The following RBFOX1 variants were observed in gnomAD, a reference collection of about 807,000 sequenced individuals.
RBFOX1 encodes the protein RNA binding fox-1 homolog 1.
RBFOX1 carries 8 observed loss-of-function variants against 57.7 expected under a neutral mutation model. The observed-to-expected ratio is 0.14, with a 90% CI of 0.08 to 0.25. The LOEUF (loss-of-function observed/expected upper bound fraction) is 0.25, where lower values mean the gene tolerates loss of function less well. Among genes scored for constraint, RBFOX1 ranks in the 10% least tolerant of loss-of-function variants. RBFOX1 has a pLI of 1.00. For missense variants in RBFOX1, 611 were observed against 548.5 expected, an observed-to-expected ratio of 1.11 and a Z score of -1.14; for synonymous variants, 326 against 222.4, an observed-to-expected ratio of 1.47 and a Z score of -4.15.
chr16:6,234,094 CA>C (rs2097486779), intron 1 of RBFOX1, among the ~76,000 whole-genome samples: 1 of 152,166 alleles, frequency 6.6e-6, no homozygotes, highest in African/African-American at 2.4e-5. Flanking sequence ...TTTATAAGAG[CA>C]TTCATCCCAC....
At chr16:6,729,270 T>G (rs1027591739) in intron 3 of RBFOX1, among the ~76,000 whole-genome samples, 13 of 152,290 alleles carry the variant, frequency 8.5e-5, no homozygotes, top group African/African-American at 2.4e-4. Flanking sequence ...TACTTGAGAT[T>G]GGGACCTGAC....
chr16:7,359,384 G>T (rs935427769), intron 4 of RBFOX1, among the ~76,000 whole-genome samples: 1 of 144,328 alleles, frequency 6.9e-6, no homozygotes, highest in African/African-American at 2.8e-5. Flanking sequence ...GTGTATATGT[G>T]TGCCTCTGTG....
At chr16:6,557,080 TATACATAC>T (rs201630713) in intron 2 of RBFOX1, among the ~76,000 whole-genome samples, 1 of 142,846 alleles carries the variant, frequency 7.0e-6, no homozygotes, top group Admixed American at 7.2e-5. Context: ...TATATACATA[TATACATAC>T]ATATACATAT....
chr16:5,807,562 C>T lies in RBFOX1; in HGVS notation c.319-59741C>T, dbSNP rs182478739. ...TTGCTAATAGGGCTCATTATAGCCT[C>T]GTTATAACTTAATTGCATAGGTAAC... On this transcript the variant is annotated intron_variant, in intron 3 of 19. Coordinates refer to the RBFOX1 transcript ENST00000641259. Among the ~76,000 whole-genome samples the T allele has an allele frequency of 3.2e-4, 48 of 151,344 alleles. No individual in the cohort carries two copies. In the East Asian group the frequency reaches 7.7e-3, roughly 24 times the overall value.
chr16:5,312,743 A>G (rs1293955278), intron 1 of RBFOX1, among the ~76,000 whole-genome samples: 1 of 152,216 alleles, frequency 6.6e-6, no homozygotes, highest in African/African-American at 2.4e-5. Context: ...AAAATTCTCA[A>G]CATCACTCAT....
intron 4 of RBFOX1, among the ~76,000 whole-genome samples, chr16:7,479,470 C>T (rs2063443232): frequency 1.3e-5 from 2 of 152,138 alleles, no homozygotes; most frequent in African/African-American, 4.8e-5. Context: ...GCCCTTTTCT[C>T]AGCCCTTCCT....
At chr16:6,826,174 G>A (rs562844911) in intron 3 of RBFOX1, among the ~76,000 whole-genome samples, 6 of 152,006 alleles carry the variant, frequency 3.9e-5, no homozygotes, top group African/African-American at 1.2e-4. Flanking sequence ...AGGACTCATC[G>A]TCGCCACGTA....
At chr16:5,393,903 C>G (rs906055993) in intron 1 of RBFOX1, among the ~76,000 whole-genome samples, 3 of 152,220 alleles carry the variant, frequency 2.0e-5, no homozygotes, top group Non-Finnish European at 4.4e-5. Flanking sequence ...GCCCTGTGAT[C>G]TTTCTTCTGC....
At chr16:6,463,202 A>C (rs1171597109) in intron 2 of RBFOX1, among the ~76,000 whole-genome samples, 1 of 152,182 alleles carries the variant, frequency 6.6e-6, no homozygotes, top group African/African-American at 2.4e-5. Flanking sequence ...GCTAAGTATG[A>C]AATCTAACAT....
At chr16:6,594,589 A>G (rs766381911) in intron 2 of RBFOX1, among the ~76,000 whole-genome samples, 2 of 152,146 alleles carry the variant, frequency 1.3e-5, no homozygotes, top group Non-Finnish European at 1.5e-5. Flanking sequence ...TTTTTCAATT[A>G]TGGGCAACTA....
chr16:5,914,917 A>G (rs1290738360), intron 4 of RBFOX1, among the ~76,000 whole-genome samples: 1 of 150,996 alleles, frequency 6.6e-6, no homozygotes, highest in African/African-American at 2.4e-5. Context: ...AAACAAAAAC[A>G]AAAAAAAAGA....
chr16:7,065,448 T>C (rs1351408759), intron 4 of RBFOX1, among the ~76,000 whole-genome samples: 2 of 152,178 alleles, frequency 1.3e-5, no homozygotes, highest in Non-Finnish European at 2.9e-5. Context: ...TGGTTTTGCA[T>C]GGGTTTTTCT....
intron 11 of RBFOX1, among the ~76,000 whole-genome samples, chr16:7,642,845 G>A (rs1229566239): frequency 1.3e-5 from 2 of 152,238 alleles, no homozygotes; most frequent in South Asian, 2.1e-4. Context: ...AAGCACCTTT[G>A]CAAATGCCTT....
chr16:6,003,603 C>A (rs1036182736), intron 4 of RBFOX1, among the ~76,000 whole-genome samples: 1 of 152,166 alleles, frequency 6.6e-6, no homozygotes, highest in Admixed American at 6.5e-5. Flanking sequence ...CGACAGCTTC[C>A]TGATCACCTA....
At chr16:6,645,456 C>A (rs1451181054) in intron 2 of RBFOX1, among the ~76,000 whole-genome samples, 1 of 152,148 alleles carries the variant, frequency 6.6e-6, no homozygotes, top group East Asian at 1.9e-4. Context: ...GCTGGGAATG[C>A]TGCTGGTAAG....
chr16:7,371,316 C>T (rs1038098911), intron 4 of RBFOX1, among the ~76,000 whole-genome samples: 4 of 152,094 alleles, frequency 2.6e-5, no homozygotes, highest in Non-Finnish European at 4.4e-5. Context: ...TAAAGTGGTA[C>T]GTGCCTGTGA....
chr16:7,304,093 G>T, intron 4 of RBFOX1: 2 of 554,612 alleles, frequency 3.6e-6, no homozygotes, highest in Non-Finnish European at 4.6e-6. Flanking sequence ...TGTTTTAGTT[G>T]GAGGCAGAGG....
chr16:5,756,701 A>G (rs1384849292), intron 3 of RBFOX1, among the ~76,000 whole-genome samples: 1 of 152,186 alleles, frequency 6.6e-6, no homozygotes, highest in Non-Finnish European at 1.5e-5. Context: ...TTCATTACTT[A>G]TCACAGCAGA....
At chr16:7,511,004 G>A (rs536012187) in intron 4 of RBFOX1, among the ~76,000 whole-genome samples, 1 of 152,314 alleles carries the variant, frequency 6.6e-6, no homozygotes, top group Non-Finnish European at 1.5e-5. Context: ...AAGGGAGGGT[G>A]TGCTCAAGAA....
Sources: allele counts gnomAD v4.1 joint callset (sites outside exome capture counted in the v4.1 genomes callset), GRCh38; gene constraint gnomAD v4.1.1; transcripts MANE v1.5; gene names NCBI Gene and HGNC (gene_info 2026-07-23, HGNC 2026-07-21).